Variants in PIK3R2 observed in about 807,000 individuals in gnomAD.
PIK3R2 encodes the protein phosphoinositide-3-kinase regulatory subunit 2, also known as phosphatidylinositol 3-kinase regulatory subunit beta.
PIK3R2 carries 40 observed loss-of-function variants against 78.5 expected under a neutral mutation model. That is an observed-to-expected ratio of 0.51 (90% CI 0.40 to 0.66). The LOEUF (loss-of-function observed/expected upper bound fraction) is 0.66. PIK3R2 is among the 30% of genes least tolerant of loss of function. The pLI, the probability that PIK3R2 is intolerant of heterozygous loss-of-function variation, is 0.00. For synonymous variants in PIK3R2, 473 were observed against 457.7 expected, an observed-to-expected ratio of 1.03 and a Z score of -0.43; for missense variants, 880 against 1,026.6, an observed-to-expected ratio of 0.86 and a Z score of 1.95.
At chr19:18,159,163 TA>T (rs1448124188) in intron 2 of PIK3R2, among the ~76,000 whole-genome samples, 1 of 140,362 alleles carries the variant, frequency 7.1e-6, no homozygotes. Flanking sequence ...TTTTTTTTTT[TA>T]AATTATTTAA....
intron 8 of PIK3R2, 38 bp from the exon 9 acceptor site, chr19:18,162,370 A>G: frequency 4.4e-6 from 7 of 1,602,418 alleles, no homozygotes; most frequent in Non-Finnish European, 6.0e-6. Context: ...CGGGGTCTCC[A>G]GGTGGCTCGG....
Position 18,166,239 on chromosome 19 carries a change from A to G in PIK3R2, c.1496A>G (p.Glu499Gly). ...KIFEEQGQTQ[E>G]KCSKEYLERF... is the part of the protein sequence containing the mutation. Reference sequence around the variant, plus strand: ...TTTGAAGAGCAGGGCCAGACTCAAGAGAAATGCAGCAAGGAATACCTGGAG... The same window carrying G: ...TTTGAAGAGCAGGGCCAGACTCAAGGGAAATGCAGCAAGGAATACCTGGAG... Residue 499 changes from glutamate to glycine, a missense_variant, in exon 12 of 16, where the codon GAG (glutamate) becomes GGG (glycine). Around this residue, in one of 3 missense-constraint regions of PIK3R2, gnomAD observed 156 missense variants for 241.0 expected, o/e 0.65. Transcript: ENST00000222254. 1 of 1,614,174 alleles carries G rather than the reference A, an allele frequency of 6.2e-7. No individual in the cohort carries two copies. Among genetic ancestry groups the G allele is most frequent in the East Asian group, 2.2e-5 (1 of 44,890 alleles).
At chr19:18,157,425 C>T (rs935317164) in intron 2 of PIK3R2, among the ~76,000 whole-genome samples, 1 of 152,196 alleles carries the variant, frequency 6.6e-6, no homozygotes, top group South Asian at 2.1e-4. Context: ...TATGTGACCT[C>T]GGCCAGAACC....
intron 11 of PIK3R2, among the ~76,000 whole-genome samples, chr19:18,165,101 G>A (rs1466909541): frequency 6.6e-6 from 1 of 151,236 alleles, no homozygotes; most frequent in African/African-American, 2.4e-5. Context: ...CAGGCACAAT[G>A]GCTCAAGCCT....
intron 11 of PIK3R2, among the ~76,000 whole-genome samples, chr19:18,165,401 G>A (rs1413366155): frequency 1.3e-5 from 2 of 151,226 alleles, no homozygotes; most frequent in East Asian, 3.9e-4. Flanking sequence ...GGGCATGGTG[G>A]CTCACACCTG....
chr19:18,169,286 G>T lies in PIK3R2; in HGVS notation c.2179G>T (p.Ala727Ser). The change falls in exon 16 of 16, where the codon GCC (alanine) becomes TCC (serine). Residue 727 changes from alanine (A) to serine (S), a missense_variant. Physicochemically the swap from Ala to Ser is moderately conservative, Grantham distance 99 (BLOSUM62 1). This residue lies in a region of PIK3R2 where 268 missense variants were observed against 299.1 expected (regional missense o/e 0.90). Transcript: ENST00000222254. ...RAPGPGPPPA[A>S]R ...CCCGGGCCCCGGCCCGCCGCCTGCC[G>T]CCCGCTGAGCACCGAGGACCCGCCC... is the stretch of plus-strand genomic sequence containing the variant. 1.3e-6 allele frequency: 2 copies of T among 1,495,336 alleles called. No homozygotes were observed. The highest frequency in any genetic ancestry group is 2.6e-5 in the East Asian group (1 of 39,054). 92.6% of individuals were successfully genotyped at this position (1,495,336 alleles called of 1,614,324 possible). A position where few individuals can be genotyped will look rare whatever the true frequency, so the allele number is the denominator to read the frequency against.
Position 18,169,806 on chromosome 19 carries a change from C to G in PIK3R2, c.*512C>G. 1 of 206,190 alleles carries G rather than the reference C, an allele frequency of 4.8e-6. No individual in the cohort carries two copies. The highest frequency in any genetic ancestry group is 1.0e-5 in the Non-Finnish European group (1 of 100,464). The allele number at this position is 206,190 out of a possible 1,614,324, so 12.8% of individuals were successfully genotyped here. A position where few individuals can be genotyped will look rare whatever the true frequency, so the allele number is the denominator to read the frequency against. Reference sequence around the variant, plus strand: ...CCGTGACATTCGGGGCCGGGCGGGACCCGCCCCACAGACTCCAACTTCCCC... The same window carrying G: ...CCGTGACATTCGGGGCCGGGCGGGAGCCGCCCCACAGACTCCAACTTCCCC... On this transcript the variant is annotated 3_prime_UTR_variant, in exon 16 of 16. Coordinates refer to ENST00000222254, the MANE Select transcript of PIK3R2 (RefSeq NM_005027.4).
intron 3 of PIK3R2, 128 bp from the exon 4 acceptor site, chr19:18,160,791 C>T: frequency 8.3e-7 from 1 of 1,197,920 alleles, no homozygotes; most frequent in Non-Finnish European, 1.2e-6. Context: ...GTTCTCCCTC[C>T]CCACCCCTCC....
intron 2 of PIK3R2, among the ~76,000 whole-genome samples, chr19:18,157,130 T>C (rs542374064): frequency 1.9e-4 from 29 of 152,310 alleles, no homozygotes; most frequent in African/African-American, 2.4e-5. Flanking sequence ...CAGGGTGACA[T>C]TGCCCAAAGG....
Position 18,155,570 on chromosome 19 carries a change from G to A in PIK3R2, c.-310G>A, listed in dbSNP as rs1370833064. On this transcript the variant is annotated 5_prime_UTR_variant, in exon 2 of 16. In the 5' UTR this introduces an upstream ATG that the reference lacks. Transcript: ENST00000222254. ...CGCCCATGGCCCTCCGTGTGAGGGC[G>A]TGAGCGGCCTGCCCCAGCCTCACCT... 1.7e-5 allele frequency: 8 copies of A among 482,304 alleles called. No individual in the cohort carries two copies. The highest frequency in any genetic ancestry group is 3.5e-5 in the East Asian group (1 of 28,618). The allele number at this position is 482,304 out of a possible 1,614,324, so 29.9% of individuals were successfully genotyped here. A position where few individuals can be genotyped will look rare whatever the true frequency, so the allele number is the denominator to read the frequency against.
intron 11 of PIK3R2, among the ~76,000 whole-genome samples, chr19:18,165,650 C>T (rs981634901): frequency 2.6e-5 from 4 of 152,304 alleles, no homozygotes; most frequent in East Asian, 3.9e-4. Flanking sequence ...TACAGGCATT[C>T]GCCACCACCC....
chr19:18,161,360 A>G lies in PIK3R2; in HGVS notation c.680A>G (p.Gln227Arg), dbSNP rs575718040. ...HRALTLRFLL[Q>R]HLGRVASRAP... ...GCGCTCACGCTGCGCTTCCTGCTCC[A>G]GCACCTGGGCCGCGTGGCCAGCCGC... The change falls in exon 6 of 16, where the codon CAG (glutamine) becomes CGG (arginine). Residue 227 changes from glutamine (Q) to arginine (R), a missense_variant. By Grantham distance (43) the Gln-to-Arg change is conservative. Transcript: ENST00000222254. This position sits in a 1 kb window ranked among gnomAD's most constrained non-coding sequence, Gnocchi z 5.3. 54 of 1,303,484 alleles carry G rather than the reference A, an allele frequency of 4.1e-5. No individual in the cohort carries two copies. In the East Asian group the frequency reaches 1.7e-3, roughly 41 times the overall value. The allele number at this position is 1,303,484 out of a possible 1,614,324, so 80.7% of individuals were successfully genotyped here. A position where few individuals can be genotyped will look rare whatever the true frequency, so the allele number is the denominator to read the frequency against.
intron 11 of PIK3R2, 134 bp from the exon 12 acceptor site, chr19:18,166,026 G>T (rs1210391379): frequency 4.5e-6 from 5 of 1,099,018 alleles, no homozygotes; most frequent in South Asian, 2.5e-5. Flanking sequence ...GGTGCAGCAG[G>T]CGTTAGAAGA....
rs577981313 is a variant in PIK3R2, at chr19:18,160,454, C to G, written c.323-17C>G. ...AGGAACCCCACCAACATGCAACCCC[C>G]CTGTTTCCCCCACCAGGCCTCACAC... On this transcript the variant is annotated splice_polypyrimidine_tract_variant and intron_variant, in intron 2 of 15. Coordinates refer to ENST00000222254, the MANE Select transcript of PIK3R2 (RefSeq NM_005027.4). 2.5e-5 allele frequency: 38 copies of G among 1,508,974 alleles called. No individual in the cohort carries two copies. Among genetic ancestry groups the G allele is most frequent in the Non-Finnish European group, 3.4e-5 (37 of 1,083,822 alleles). 93.5% of individuals were successfully genotyped at this position (1,508,974 alleles called of 1,614,324 possible). A position where few individuals can be genotyped will look rare whatever the true frequency, so the allele number is the denominator to read the frequency against.
At position 18,169,629 on chromosome 19, in the gene PIK3R2, C is replaced by T. The variant is rs568160909; in HGVS notation, c.*335C>T. The stretch of plus-strand genomic sequence containing the variant: ...TCTGCCCTGCCCACCGCAGGTCCCC[C>T]GGGGTCCCGGAAGCCCCTTCTGGCT... On this transcript the variant is annotated 3_prime_UTR_variant, in exon 16 of 16. Coordinates refer to ENST00000222254, the MANE Select transcript of PIK3R2 (RefSeq NM_005027.4). The T allele has an allele frequency of 1.6e-5, 4 of 257,058 alleles. No individual in the cohort carries two copies. Among genetic ancestry groups the T allele is most frequent in the Admixed American group, 5.5e-5 (1 of 18,078 alleles). 15.9% of individuals were successfully genotyped at this position (257,058 alleles called of 1,614,324 possible).
chr19:18,161,831 G>T lies in PIK3R2; in HGVS notation c.816-135G>T. ...GGGAGCTGGCCTCGCACATGTGCCT[G>T]TATCATCTCCTCCTCCGCCCTGCAC... On this transcript the variant is annotated intron_variant, in intron 6 of 15. Coordinates refer to ENST00000222254, the MANE Select transcript of PIK3R2 (RefSeq NM_005027.4). The surrounding 1 kb of genome is among the most constrained non-coding windows in gnomAD (Gnocchi z 5.3). 1 of 697,138 alleles carries T rather than the reference G, an allele frequency of 1.4e-6. No homozygotes were observed. The highest frequency in any genetic ancestry group is 2.5e-6 in the Non-Finnish European group (1 of 401,552). The allele number at this position is 697,138 out of a possible 1,614,324, so 43.2% of individuals were successfully genotyped here. A position where few individuals can be genotyped will look rare whatever the true frequency, so the allele number is the denominator to read the frequency against.
chr19:18,162,281 T>C lies in PIK3R2; in HGVS notation c.981T>C (p.Asp327=), dbSNP rs1373988175. 1 of 1,610,212 alleles carries C rather than the reference T, an allele frequency of 6.2e-7. No homozygotes were observed. Reference sequence around the variant, plus strand: ...GAGGGAGCCCACCCTCCCTGCAGGATGCTGAGTGGTACTGGGGGGACATTT... The same window carrying C: ...GAGGGAGCCCACCCTCCCTGCAGGACGCTGAGTGGTACTGGGGGGACATTT... The part of the protein sequence containing the change: ...ANGGSPPSLQ[D]AEWYWGDISR... Residue 327 remains aspartate, a synonymous_variant, in exon 8 of 16, where the codon GAT becomes GAC. Coordinates refer to ENST00000222254, the MANE Select transcript of PIK3R2 (RefSeq NM_005027.4).
At chr19:18,160,723 A>G in intron 3 of PIK3R2, 160 bp downstream of exon 3, 1 of 857,726 alleles carries the variant, frequency 1.2e-6, no homozygotes, top group South Asian at 1.6e-5. Flanking sequence ...AGTGACTCCT[A>G]AGGGAAGATG....
rs757331315 is a variant in PIK3R2, at chr19:18,167,103, C to G, written c.1560-27C>G. The G allele has an allele frequency of 3.3e-6, 5 of 1,530,230 alleles. No individual in the cohort carries two copies. In the African/African-American group the frequency reaches 7.0e-5, roughly 21 times the overall value. The allele number at this position is 1,530,230 out of a possible 1,614,324, so 94.8% of individuals were successfully genotyped here. A position where few individuals can be genotyped will look rare whatever the true frequency, so the allele number is the denominator to read the frequency against. ...GTGAGCCGAGATAAAACCCTGAGGT[C>G]TCTGCGCCACCCCACCCCTCCCACA... On this transcript the variant is annotated intron_variant, in intron 12 of 15. Transcript: ENST00000222254. The surrounding 1 kb of genome is among the most constrained non-coding windows in gnomAD (Gnocchi z 4.5).
Sources: gnomAD v4.1 joint callset for allele counts (sites outside exome capture counted in the v4.1 genomes callset) on GRCh38, gnomAD v4.1.1 for gene constraint, gnomAD v4.1.1 regional missense constraint, Gnocchi (gnomAD v3.1) non-coding constraint, MANE v1.5 for transcripts, NCBI Gene and HGNC (gene_info 2026-07-23, HGNC 2026-07-21) for gene names.